The following MGRN1 variants were observed in gnomAD, a reference collection of about 807,000 sequenced individuals.
MGRN1 encodes E3 ubiquitin-protein ligase MGRN1.
MGRN1 carries 29 observed loss-of-function variants against 69.2 expected under a neutral mutation model. The observed-to-expected ratio is 0.42, with a 90% confidence interval of 0.31 to 0.57. MGRN1 has a LOEUF of 0.57. MGRN1 is among the 20% of genes least tolerant of loss of function. The probability of loss-of-function intolerance (pLI) is 0.15; values close to 1 mark genes in which losing one functional copy is unlikely to be tolerated. For missense variants in MGRN1, 998 were observed against 796.2 expected (o/e 1.25, Z -3.05); for synonymous variants, 470 against 344.2 (o/e 1.37, Z -4.04).
At position 4,683,251 on chromosome 16, in the gene MGRN1, T is replaced by C; in HGVS notation, c.1510T>C (p.Ser504Pro). The change falls in exon 15 of 17, where the codon TCG becomes CCG. Residue 504 changes from serine (S) to proline (P), a missense_variant. Physicochemically the swap from Ser to Pro is moderately conservative, Grantham distance 74 (BLOSUM62 -1). Coordinates refer to ENST00000262370, the MANE Select transcript of MGRN1 (RefSeq NM_015246.4). Reference sequence around the variant, plus strand: ...TTTCATAACAGAAGAGGTTGATGAGTCGTCGTCACCACAGCAAGGTGAGCG... The same window carrying C: ...TTTCATAACAGAAGAGGTTGATGAGCCGTCGTCACCACAGCAAGGTGAGCG... ...ESFITEEVDE[S>P]SSPQQGTRAA... 2 of 1,613,640 alleles carry C rather than the reference T, an allele frequency of 1.2e-6. No individual in the cohort carries two copies. Among genetic ancestry groups the C allele is most frequent in the Non-Finnish European group, 1.7e-6 (2 of 1,179,936 alleles).
intron 4 of MGRN1, among the ~76,000 whole-genome samples, chr16:4,655,227 C>G (rs947558011): frequency 6.6e-6 from 1 of 152,146 alleles, no homozygotes; most frequent in Non-Finnish European, 1.5e-5. Context: ...TGTAAGTTGT[C>G]TATCCGCTGC....
intron 1 of MGRN1, chr16:4,639,802 T>A (rs1368623062): frequency 6.6e-6 from 1 of 152,244 alleles, no homozygotes; most frequent in East Asian, 1.9e-4. Context: ...CGGTGGGCCC[T>A]GAACTCTGGT....
intron 11 of MGRN1, 125 bp downstream of exon 11, chr16:4,677,697 C>T (rs1353033441): frequency 2.2e-6 from 2 of 891,752 alleles, no homozygotes; most frequent in East Asian, 5.7e-5. Context: ...CAGGCATGGC[C>T]CCCATGGATG....
intron 1 of MGRN1, among the ~76,000 whole-genome samples, chr16:4,636,389 G>A (rs1898292356): frequency 6.6e-6 from 1 of 152,164 alleles, no homozygotes; most frequent in Non-Finnish European, 1.5e-5. Context: ...TTTGTGAGCA[G>A]TGAGTGATCT....
chr16:4,668,637 C>T (rs2141936942), intron 8 of MGRN1, among the ~76,000 whole-genome samples: 1 of 151,986 alleles, frequency 6.6e-6, no homozygotes, highest in South Asian at 2.1e-4. Flanking sequence ...CAGATGCACA[C>T]ACTCAGACAC....
In MGRN1 at chr16:4,645,534, C is replaced by T. The variant is rs540523239; in HGVS notation, c.89-4831C>T. ...ATCTTAGAGCCTCCAGCCTAGAACA[C>T]CAGGCTGAAAAGTGCTGTGGAGAAG... On this transcript the variant is annotated intron_variant, in intron 1 of 16. Transcript: ENST00000262370. Among the ~76,000 whole-genome samples, 715 of 152,236 alleles carry T rather than the reference C, an allele frequency of 4.7e-3. 4 individuals are homozygous for T. The highest frequency in any genetic ancestry group is 9.4e-3 in the Admixed American group (144 of 15,274).
intron 9 of MGRN1, among the ~76,000 whole-genome samples, chr16:4,672,031 G>A (rs1304359458): frequency 1.3e-5 from 2 of 152,028 alleles, no homozygotes; most frequent in African/African-American, 4.8e-5. Context: ...TCAGCCTCCT[G>A]AGTAGCTGGG....
At position 4,671,432 on chromosome 16, in the gene MGRN1, T is replaced by C; in HGVS notation, c.768T>C (p.Ile256=). 4.3e-6 allele frequency: 7 copies of C among 1,613,978 alleles called. No homozygotes were observed. Among genetic ancestry groups the C allele is most frequent in the Non-Finnish European group, 5.9e-6 (7 of 1,179,950 alleles). ...ACCTCCTGCAGGAGATCTATGGCAT[T>C]GAGAACAAGAACAACCAGGAGACCA... The part of the protein sequence containing the change: ...VSYLLQEIYG[I]ENKNNQETKP... The change falls in exon 9 of 17, where the codon ATT becomes ATC. Residue 256 remains isoleucine, a synonymous_variant. Coordinates refer to ENST00000262370, the MANE Select transcript of MGRN1 (RefSeq NM_015246.4).
At chr16:4,648,552 T>C (rs1318094642) in intron 1 of MGRN1, among the ~76,000 whole-genome samples, 3 of 98,306 alleles carry the variant, frequency 3.1e-5, no homozygotes, top group African/African-American at 5.0e-5. Context: ...CGGGTCCTCC[T>C]CCCGGGGGCT....
Position 4,682,786 on chromosome 16 carries a change from T to C in MGRN1, c.1359-37T>C, listed in dbSNP as rs201618027. 1.7e-5 allele frequency: 25 copies of C among 1,487,554 alleles called. No homozygotes were observed. In the African/African-American group the frequency reaches 1.8e-4, roughly 11 times the overall value. 92.1% of individuals were successfully genotyped at this position (1,487,554 alleles called of 1,614,324 possible). A position where few individuals can be genotyped will look rare whatever the true frequency, so the allele number is the denominator to read the frequency against. The stretch of plus-strand genomic sequence containing the variant: ...GCAGGGTTAGCCTTCCTTGTCGTTA[T>C]CCTCTCACCCCTGCCCACCCTCTCC... On this transcript the variant is annotated intron_variant, in intron 13 of 16. Coordinates refer to ENST00000262370, the MANE Select transcript of MGRN1 (RefSeq NM_015246.4).
At chr16:4,644,750 C>T (rs935075504) in intron 1 of MGRN1, among the ~76,000 whole-genome samples, 6 of 152,210 alleles carry the variant, frequency 3.9e-5, no homozygotes, top group Non-Finnish European at 1.5e-5. Flanking sequence ...TGATTCATCA[C>T]CTCACAACTT....
chr16:4,665,079 C>A, intron 6 of MGRN1, 23 bp from the exon 7 acceptor site: 1 of 1,614,118 alleles, frequency 6.2e-7, no homozygotes, highest in Non-Finnish European at 8.5e-7. Flanking sequence ...ACTCTGACTA[C>A]TCTGCCCCTC....
At chr16:4,688,749 C>A in intron 16 of MGRN1, 47 bp from the exon 17 acceptor site, 2 of 1,509,664 alleles carry the variant, frequency 1.3e-6, no homozygotes, top group Non-Finnish European at 1.8e-6. Context: ...GGTGGCGTGG[C>A]ACCAGGCATC....
At position 4,624,954 on chromosome 16, in the gene MGRN1, G is replaced by C; in HGVS notation, c.-7G>C. On this transcript the variant is annotated 5_prime_UTR_variant, in exon 1 of 17. Coordinates refer to ENST00000262370, the MANE Select transcript of MGRN1 (RefSeq NM_015246.4). Reference sequence around the variant, plus strand: ...CCTGGCCCCTCTGCCCGGCAGCGCCGCGCACCATGGGCTCCATTCTCAGCC... The same window carrying C: ...CCTGGCCCCTCTGCCCGGCAGCGCCCCGCACCATGGGCTCCATTCTCAGCC... 6.5e-7 allele frequency: 1 copy of C among 1,541,726 alleles called. No homozygotes were observed. The highest frequency in any genetic ancestry group is 8.7e-7 in the Non-Finnish European group (1 of 1,147,042).
chr16:4,656,632 G>C (rs1356315353), intron 4 of MGRN1, among the ~76,000 whole-genome samples: 1 of 152,204 alleles, frequency 6.6e-6, no homozygotes, highest in Non-Finnish European at 1.5e-5. Context: ...TGTAATCCCA[G>C]CACTTTGGGA....
At chr16:4,683,180 C>G (rs201489244) in intron 14 of MGRN1, 44 bp from the exon 15 acceptor site, 18 of 1,608,476 alleles carry the variant, frequency 1.1e-5, no homozygotes, top group Non-Finnish European at 1.4e-5. Context: ...GAGCGGTGGC[C>G]GCGGCTCTCT....
chr16:4,683,793 C>A (rs369651195), intron 15 of MGRN1, 50 bp from the exon 16 acceptor site: 1 of 1,548,620 alleles, frequency 6.5e-7, no homozygotes, highest in South Asian at 1.1e-5. Context: ...AGGGACCTGC[C>A]GGGACCTGGC....
chr16:4,655,590 C>T (rs1000371369), intron 4 of MGRN1, among the ~76,000 whole-genome samples: 2 of 151,922 alleles, frequency 1.3e-5, no homozygotes, highest in Non-Finnish European at 2.9e-5. Flanking sequence ...CTCTCAGGAC[C>T]TGGTACGAGG....
intron 16 of MGRN1, chr16:4,686,809 C>G (rs1028718159): frequency 7.1e-6 from 7 of 987,734 alleles, no homozygotes; most frequent in African/African-American, 1.7e-5. Context: ...GGACGCTCAG[C>G]AGGTCCACTC....
Sources: gnomAD v4.1 joint callset for allele counts (sites outside exome capture counted in the v4.1 genomes callset) on GRCh38, gnomAD v4.1.1 for gene constraint, MANE v1.5 for transcripts, NCBI Gene and HGNC (gene_info 2026-07-23, HGNC 2026-07-21) for gene names.